The following IL1RAPL1 variants were observed in gnomAD, a reference collection of about 807,000 sequenced individuals.
The protein encoded by IL1RAPL1 is interleukin-1 receptor accessory protein-like 1.
In IL1RAPL1, 3 loss-of-function variants were observed where a neutral mutation model predicts 48.4. The ratio of observed to expected loss-of-function variants is 0.06; its 90% CI spans 0.03 to 0.16. IL1RAPL1 has a LOEUF of 0.16. Ranked by LOEUF, IL1RAPL1 falls within the 10% of genes least tolerant of loss-of-function variation. The pLI is 1.00. For missense variants in IL1RAPL1, 349 were observed against 530.6 expected, an observed-to-expected ratio of 0.66 and a Z score of 3.36; for synonymous variants, 185 against 187.7, an observed-to-expected ratio of 0.99 and a Z score of 0.12.
At chrX:29,169,907 A>G (rs1929876345) in intron 2 of IL1RAPL1, among the ~76,000 whole-genome samples, 1 of 111,454 alleles carries the variant, frequency 9.0e-6, no homozygotes, top group South Asian at 3.7e-4. Flanking sequence ...ATAATATTTA[A>G]TTATAAAATA....
At chrX:29,687,487 A>G (rs1926656291) in intron 6 of IL1RAPL1, among the ~76,000 whole-genome samples, 1 of 111,467 alleles carries the variant, frequency 9.0e-6, no homozygotes, top group Admixed American at 9.5e-5. Context: ...AGTGTTTACC[A>G]GAGGATGGAG....
In IL1RAPL1 at chrX:28,925,444, G is replaced by C. The variant is rs1923717034; in HGVS notation, c.82+136019G>C. On this transcript the variant is annotated intron_variant, in intron 2 of 10. Transcript: ENST00000378993. ...GCACATATCAACTTTTACTGTTGTG[G>C]TGGGTGAGAGAGTGGAGAATCAGGC... is the stretch of plus-strand genomic sequence containing the variant. Among the ~76,000 whole-genome samples the C allele has an allele frequency of 2.7e-5, 3 of 111,541 alleles. No homozygotes were observed. In the Admixed American group the frequency reaches 2.9e-4, roughly 11 times the overall value.
At chrX:29,880,836 T>C (rs1932012559) in intron 6 of IL1RAPL1, among the ~76,000 whole-genome samples, 2 of 111,505 alleles carry the variant, frequency 1.8e-5, no homozygotes, top group Admixed American at 1.9e-4. Flanking sequence ...GCTTGGAAGC[T>C]ACCTTTATTA....
chrX:28,596,715 G>T (rs1933959565), intron 1 of IL1RAPL1, among the ~76,000 whole-genome samples: 1 of 111,644 alleles, frequency 9.0e-6, no homozygotes, highest in African/African-American at 3.3e-5. Context: ...ACCTAATACA[G>T]TGTAAATGCT....
At chrX:29,879,941 G>A (rs1471784561) in intron 6 of IL1RAPL1, among the ~76,000 whole-genome samples, 1 of 111,222 alleles carries the variant, frequency 9.0e-6, no homozygotes, top group East Asian at 2.8e-4. Context: ...TTGCATATGA[G>A]ATTAGTACAC....
intron 1 of IL1RAPL1, among the ~76,000 whole-genome samples, chrX:28,636,918 T>C (rs186970099): frequency 3.6e-5 from 4 of 111,525 alleles, no homozygotes; most frequent in Non-Finnish European, 7.5e-5. Flanking sequence ...GAGGTTTTTT[T>C]AAATAAGAAT....
At chrX:28,712,289 T>C (rs1387364140) in intron 1 of IL1RAPL1, among the ~76,000 whole-genome samples, 1 of 110,666 alleles carries the variant, frequency 9.0e-6, no homozygotes, top group African/African-American at 3.3e-5. Flanking sequence ...CTACTGACTT[T>C]CTCTCTGCCT....
At chrX:29,042,577 C>T (rs1926870195) in intron 2 of IL1RAPL1, among the ~76,000 whole-genome samples, 1 of 111,560 alleles carries the variant, frequency 9.0e-6, no homozygotes, top group African/African-American at 3.3e-5. Context: ...GTGACCTGTA[C>T]ATTTTCAGCC....
At chrX:29,265,999 C>G (rs1931949961) in intron 2 of IL1RAPL1, among the ~76,000 whole-genome samples, 1 of 110,915 alleles carries the variant, frequency 9.0e-6, no homozygotes, top group Non-Finnish European at 1.9e-5. Flanking sequence ...GAAATAGGAA[C>G]ACTTTTACAC....
At chrX:29,409,508 C>T (rs1190146600) in intron 5 of IL1RAPL1, among the ~76,000 whole-genome samples, 1 of 111,704 alleles carries the variant, frequency 9.0e-6, no homozygotes, top group Non-Finnish European at 1.9e-5. Context: ...CACTGACACT[C>T]ATTACCTTTA....
chrX:29,342,103 G>A (rs1193918402), intron 3 of IL1RAPL1, among the ~76,000 whole-genome samples: 2 of 100,595 alleles, frequency 2.0e-5, no homozygotes, highest in Non-Finnish European at 4.0e-5. Flanking sequence ...CACTGCACAC[G>A]GCCTTGTTTT....
chrX:29,728,418 C>A (rs1185696496), intron 6 of IL1RAPL1, among the ~76,000 whole-genome samples: 1 of 111,911 alleles, frequency 8.9e-6, no homozygotes, highest in Non-Finnish European at 1.9e-5. Flanking sequence ...TGCTTCACTG[C>A]AAAAATATTA....
chrX:29,069,628 A>AACACACACACACACACAC (rs56373899), intron 2 of IL1RAPL1, among the ~76,000 whole-genome samples: 45 of 83,732 alleles, frequency 5.4e-4, no homozygotes, highest in Non-Finnish European at 7.8e-4. Context: ...TTTCCTATAG[A>AACACACACACACACACAC]ACACACACAC....
At chrX:29,661,697 TG>T (rs1925852312) in intron 5 of IL1RAPL1, among the ~76,000 whole-genome samples, 1 of 112,221 alleles carries the variant, frequency 8.9e-6, no homozygotes, top group African/African-American at 3.2e-5. Flanking sequence ...GCTTCTCTTA[TG>T]TTGTCTCCAC....
intron 2 of IL1RAPL1, among the ~76,000 whole-genome samples, chrX:29,131,174 C>T (rs1166091370): frequency 9.0e-6 from 1 of 111,372 alleles, no homozygotes; most frequent in East Asian, 2.8e-4. Context: ...GTCATAGTAA[C>T]AGAAAAACAT....
At position 29,781,479 on chromosome X, in the gene IL1RAPL1, A is replaced by T. The variant is rs1191415592; in HGVS notation, c.778+112975A>T. Among the ~76,000 whole-genome samples the T allele has an allele frequency of 4.5e-5, 5 of 112,183 alleles. No homozygotes were observed. In the Admixed American group the frequency reaches 4.7e-4, roughly 11 times the overall value. ...AATAACCATAATTCCTAAATAAATCATATGACTACAGTTGAACAGTGGTAA... is the reference window on the plus strand; with the variant it reads ...AATAACCATAATTCCTAAATAAATCTTATGACTACAGTTGAACAGTGGTAA... On this transcript the variant is annotated intron_variant, in intron 6 of 10. Transcript: ENST00000378993.
At chrX:28,826,708 T>C (rs1362170253) in intron 2 of IL1RAPL1, among the ~76,000 whole-genome samples, 1 of 111,161 alleles carries the variant, frequency 9.0e-6, no homozygotes, top group East Asian at 2.8e-4. Context: ...AGAGTCAGGA[T>C]CATGAAGCCA....
chrX:29,413,560 T>C (rs1934175329), intron 5 of IL1RAPL1, among the ~76,000 whole-genome samples: 1 of 99,085 alleles, frequency 1.0e-5, no homozygotes, highest in Non-Finnish European at 2.0e-5. Flanking sequence ...TGTGTCCATG[T>C]GTTCTCGTTG....
chrX:29,782,092 G>GTCTATCTATCTA (rs1268932298), intron 6 of IL1RAPL1, among the ~76,000 whole-genome samples: 12 of 74,234 alleles, frequency 1.6e-4, no homozygotes, highest in South Asian at 6.6e-4. Context: ...CTGTCTGTCT[G>GTCTATCTATCTA]TCTGTCTGTC....
Sources: allele counts gnomAD v4.1 joint callset (sites outside exome capture counted in the v4.1 genomes callset), GRCh38; gene constraint gnomAD v4.1.1; transcripts MANE v1.5; gene names NCBI Gene and HGNC (gene_info 2026-07-23, HGNC 2026-07-21).